The following ODC1 variants were observed in gnomAD, a reference collection of about 807,000 sequenced individuals.
ODC1 encodes the protein ornithine decarboxylase 1, also known as ornithine decarboxylase.
A neutral mutation model predicts 41.5 loss-of-function variants in ODC1; 18 were observed. The ratio of observed to expected loss-of-function variants is 0.43; its 90% CI spans 0.30 to 0.64. The LOEUF is 0.64. Among genes scored for constraint, ODC1 ranks in the 30% least tolerant of loss-of-function variants. The pLI is 0.11. For missense variants in ODC1, 504 were observed against 589.0 expected, an observed-to-expected ratio of 0.86 and a Z score of 1.49; for synonymous variants, 218 against 211.6, an observed-to-expected ratio of 1.03 and a Z score of -0.26.
chr2:10,447,445 A>G (rs1280804971), intron 1 of ODC1: 1 of 152,282 alleles, frequency 6.6e-6, no homozygotes, highest in East Asian at 1.9e-4. Flanking sequence ...TCGACTTCGC[A>G]AACAGCACAA....
chr2:10,446,095 T>C (rs1465659325), intron 1 of ODC1, among the ~76,000 whole-genome samples: 3 of 152,158 alleles, frequency 2.0e-5, no homozygotes, highest in South Asian at 2.1e-4. Flanking sequence ...ACTTATCACA[T>C]TGTATTACAG....
rs780658011 is a variant in ODC1, at chr2:10,441,907, C to G, written c.936G>C (p.Gln312His). The change falls in exon 10 of 12, where the codon CAG becomes CAC. Residue 312 changes from glutamine to histidine, a missense_variant. Physicochemically the swap from Gln to His is conservative, Grantham distance 24. Transcript: ENST00000234111. ...CATCATTCACATAATACATAAAGGT[C>G]TGCTCACTCGACTCATCTTCGTCTA... ...GSDDEDESSE[Q>H]TFMYYVNDGV... The G allele has an allele frequency of 3.7e-6, 6 of 1,614,146 alleles. No individual in the cohort carries two copies. Among genetic ancestry groups the G allele is most frequent in the Non-Finnish European group, 5.1e-6 (6 of 1,180,034 alleles).
At chr2:10,446,296 G>C (rs931369181) in intron 1 of ODC1, among the ~76,000 whole-genome samples, 1 of 152,146 alleles carries the variant, frequency 6.6e-6, no homozygotes, top group Non-Finnish European at 1.5e-5. Context: ...ACCACACCCG[G>C]GGCCTGGCTA....
At chr2:10,446,776 GAC>G (rs1482793136) in intron 1 of ODC1, 3 of 444,660 alleles carry the variant, frequency 6.7e-6, no homozygotes, top group South Asian at 3.2e-5. Flanking sequence ...ATGGTTCGGG[GAC>G]ACAGTTTGCT....
At chr2:10,443,885 A>T in intron 5 of ODC1, 49 bp from the exon 6 acceptor site, 1 of 1,602,006 alleles carries the variant, frequency 6.2e-7, no homozygotes, top group South Asian at 1.1e-5. Flanking sequence ...ATGTTCACTT[A>T]TAGCCACAAT....
chr2:10,441,240 A>G (rs1372532379), intron 11 of ODC1, among the ~76,000 whole-genome samples: 1 of 152,148 alleles, frequency 6.6e-6, no homozygotes, highest in Non-Finnish European at 1.5e-5. Flanking sequence ...GAGCCAGCAC[A>G]CCTGGCCAAT....
At chr2:10,446,510 A>G (rs972922940) in intron 1 of ODC1, among the ~76,000 whole-genome samples, 2 of 152,224 alleles carry the variant, frequency 1.3e-5, no homozygotes, top group Admixed American at 1.3e-4. Context: ...CTGTCCTTAC[A>G]GTCACTCTCG....
intron 11 of ODC1, 83 bp downstream of exon 11, chr2:10,441,426 T>C (rs1295354722): frequency 2.2e-6 from 3 of 1,381,734 alleles, no homozygotes; most frequent in South Asian, 1.3e-5. Context: ...GGCAAGACAA[T>C]TTCTTATTCG....
chr2:10,444,497 T>C lies in ODC1; in HGVS notation c.253A>G (p.Thr85Ala). Residue 85 changes from threonine to alanine, a missense_variant, in exon 4 of 12, where the codon ACA (threonine) becomes GCA (alanine). Around this residue, in one of 3 missense-constraint regions of ODC1, gnomAD observed 447 missense variants for 524.4 expected, o/e 0.85. Coordinates refer to ENST00000234111, the MANE Select transcript of ODC1 (RefSeq NM_002539.3). ...AIVKTLAATG[T>A]GFDCASKTEI... ...ACCTTGCTAGCACAGTCAAATCCTGTCCCGGTAGCAGCAAGGGTCTTCACG... is the reference window on the plus strand; with the variant it reads ...ACCTTGCTAGCACAGTCAAATCCTGCCCCGGTAGCAGCAAGGGTCTTCACG... 6.2e-7 allele frequency: 1 copy of C among 1,613,064 alleles called. No homozygotes were observed. Among genetic ancestry groups the C allele is most frequent in the South Asian group, 1.1e-5 (1 of 90,960 alleles).
intron 1 of ODC1, chr2:10,446,797 G>C (rs184171467): frequency 2.4e-6 from 1 of 409,630 alleles, no homozygotes; most frequent in East Asian, 8.5e-5. Flanking sequence ...CTCTGGCATG[G>C]GGTACTATGA....
intron 1 of ODC1, among the ~76,000 whole-genome samples, chr2:10,445,921 T>C (rs1021777823): frequency 6.6e-6 from 1 of 152,164 alleles, no homozygotes; most frequent in African/African-American, 2.4e-5. Flanking sequence ...CATTATAGCC[T>C]TTATACACAG....
chr2:10,445,415 C>T (rs1298485115), intron 1 of ODC1, among the ~76,000 whole-genome samples, 151 bp from the exon 2 acceptor site: 2 of 152,228 alleles, frequency 1.3e-5, no homozygotes, highest in East Asian at 1.9e-4. Flanking sequence ...GCATAAGGTA[C>T]ATGATTCCAT....
At chr2:10,446,701 C>A (rs1441801909) in intron 1 of ODC1, 2 of 432,482 alleles carry the variant, frequency 4.6e-6, no homozygotes, top group Non-Finnish European at 4.4e-6. Flanking sequence ...CCAGGTAGAG[C>A]TTTCTTCTTT....
chr2:10,443,631 C>T (rs973596199), intron 6 of ODC1, 60 bp from the exon 7 acceptor site: 2 of 1,606,372 alleles, frequency 1.2e-6, no homozygotes, highest in East Asian at 4.5e-5. Context: ...TAATAGCAAA[C>T]ACTAGGAGAA....
In ODC1 at chr2:10,440,871, G is replaced by A. The variant is rs2148066297; in HGVS notation, c.1242-3C>T. On this transcript the variant is annotated splice_region_variant and splice_polypyrimidine_tract_variant and intron_variant, in intron 11 of 11. Transcript: ENST00000234111. Reference sequence around the variant, plus strand: ...TCTGGAATTGCTGCATGAGTTGCCTGAGAAAGAAAAAGTGGCATATTAAAA... The same window carrying A: ...TCTGGAATTGCTGCATGAGTTGCCTAAGAAAGAAAAAGTGGCATATTAAAA... 1.2e-6 allele frequency: 2 copies of A among 1,613,324 alleles called. No individual in the cohort carries two copies. Among genetic ancestry groups the A allele is most frequent in the Non-Finnish European group, 8.5e-7 (1 of 1,179,758 alleles).
intron 7 of ODC1, 23 bp from the exon 8 acceptor site, chr2:10,443,336 G>C: frequency 6.2e-7 from 1 of 1,603,854 alleles, no homozygotes; most frequent in Admixed American, 1.7e-5. Context: ...AAATAAGTCA[G>C]CCAGATCCAC....
intron 8 of ODC1, among the ~76,000 whole-genome samples, chr2:10,442,977 T>C (rs1385792892): frequency 6.6e-6 from 1 of 152,200 alleles, no homozygotes; most frequent in African/African-American, 2.4e-5. Flanking sequence ...CCTCCCCAAG[T>C]GCTGGATTAC....
intron 5 of ODC1, 71 bp from the exon 6 acceptor site, chr2:10,443,907 CAA>C: frequency 6.3e-7 from 1 of 1,586,758 alleles, no homozygotes; most frequent in African/African-American, 1.3e-5. Flanking sequence ...AAAATAAAAA[CAA>C]TCCTGTTCTA....
rs768506216 is a variant in ODC1, at chr2:10,443,289, G to C, written c.691C>G (p.Leu231Val). Residue 231 changes from leucine to valine, a missense_variant, in exon 8 of 12, where the codon CTG becomes GTG. Physicochemically the swap from Leu to Val is conservative, Grantham distance 32. Transcript: ENST00000234111. Reference sequence around the variant, plus strand: ...GGAAAGCCACCGCCAATATCAAGCAGATACATGCTGAAACCAACCTCAGCC... The same window carrying C: ...GGAAAGCCACCGCCAATATCAAGCACATACATGCTGAAACCAACCTCAGCC... ...MGAEVGFSMY[L>V]LDIGGGFPGS... is the part of the protein sequence containing the mutation. 5.0e-6 allele frequency: 8 copies of C among 1,611,594 alleles called. No homozygotes were observed. The East Asian group carries it at 1.8e-4, about 36-fold the overall frequency.
Sources: gnomAD v4.1 joint callset for allele counts (sites outside exome capture counted in the v4.1 genomes callset) on GRCh38, gnomAD v4.1.1 for gene constraint, gnomAD v4.1.1 regional missense constraint, MANE v1.5 for transcripts, NCBI Gene and HGNC (gene_info 2026-07-23, HGNC 2026-07-21) for gene names.